PHIP: variants seen among roughly 807,000 people sequenced by gnomAD.
The protein encoded by PHIP is PHIP subunit of CUL4-Ring ligase complex, also known as PH-interacting protein.
PHIP carries 54 observed loss-of-function variants against 236.8 expected under a neutral mutation model. The ratio of observed to expected loss-of-function variants is 0.23; its 90% confidence interval spans 0.18 to 0.29. PHIP has a LOEUF of 0.29. PHIP is among the 10% of genes least tolerant of loss of function. The probability of loss-of-function intolerance (pLI) is 1.00; values close to 1 mark genes in which losing one functional copy is unlikely to be tolerated. For synonymous variants in PHIP, 756 were observed against 718.9 expected (o/e 1.05, Z -0.83); for missense variants, 1,370 against 2,190.8 (o/e 0.63, Z 7.48).
chr6:78,935,638 T>G lies in PHIP; in HGVS notation c.*5055A>C. On this transcript the variant is annotated 3_prime_UTR_variant, in exon 40 of 40. Coordinates refer to ENST00000275034, the MANE Select transcript of PHIP (RefSeq NM_017934.7). ...AGGCATATAAGTTTTTGACCTTCAG[T>G]TGTTTTGGAATTAAATTACATTTCG... 3 of 983,014 alleles carry G rather than the reference T, an allele frequency of 3.1e-6. No homozygotes were observed. Among genetic ancestry groups the G allele is most frequent in the Non-Finnish European group, 3.6e-6 (3 of 827,744 alleles). The allele number at this position is 983,014 out of a possible 1,614,324, so 60.9% of individuals were successfully genotyped here.
chr6:78,943,432 A>G (rs1773612086), intron 39 of PHIP, among the ~76,000 whole-genome samples: 1 of 152,228 alleles, frequency 6.6e-6, no homozygotes, highest in African/African-American at 2.4e-5. Context: ...GGATTCATGA[A>G]TAAAAAGAAG....
intron 27 of PHIP, among the ~76,000 whole-genome samples, chr6:78,967,909 C>A (rs574561241): frequency 6.6e-6 from 1 of 151,714 alleles, no homozygotes; most frequent in Non-Finnish European, 1.5e-5. Flanking sequence ...CTGAGGCGGG[C>A]GGATCACAAG....
intron 2 of PHIP, 47 bp downstream of exon 2, chr6:79,077,808 C>A: frequency 8.9e-7 from 1 of 1,123,958 alleles, no homozygotes; most frequent in Non-Finnish European, 1.1e-6. Flanking sequence ...TCCCCCACGC[C>A]CGCGAGCGGC....
At chr6:79,045,714 T>C (rs56769571) in intron 6 of PHIP, among the ~76,000 whole-genome samples, 16,147 of 152,132 alleles carry the variant, frequency 0.11, 886 homozygotes, top group Middle Eastern at 0.19. Flanking sequence ...TTTATTAAGC[T>C]AGAACATCAA....
chr6:78,993,204 T>C (rs940408182), intron 19 of PHIP, among the ~76,000 whole-genome samples: 1 of 152,198 alleles, frequency 6.6e-6, no homozygotes, highest in Non-Finnish European at 1.5e-5. Context: ...AGAAGAAAAG[T>C]TGGAAGCTAG....
chr6:78,936,805 T>C lies in PHIP; in HGVS notation c.*3888A>G, dbSNP rs1282521575. ...ACTATACATAGTTCGTAATGACTTT[T>C]CATTTGGAGCAAACTTTGCTCAGTA... On this transcript the variant is annotated 3_prime_UTR_variant, in exon 40 of 40. Transcript: ENST00000275034. The C allele has an allele frequency of 1.3e-5, 2 of 151,880 alleles. No individual in the cohort carries two copies. Among genetic ancestry groups the C allele is most frequent in the African/African-American group, 2.4e-5 (1 of 41,432 alleles). The allele number at this position is 151,880 out of a possible 1,614,324, so 9.4% of individuals were successfully genotyped here.
chr6:79,032,149 A>T (rs187991419), intron 7 of PHIP, among the ~76,000 whole-genome samples: 1 of 152,348 alleles, frequency 6.6e-6, no homozygotes, highest in East Asian at 1.9e-4. Flanking sequence ...TTGCTAAAAA[A>T]TGCTAATTAT....
At chr6:79,052,924 T>C (rs984001799) in intron 6 of PHIP, among the ~76,000 whole-genome samples, 1 of 152,160 alleles carries the variant, frequency 6.6e-6, no homozygotes, top group Non-Finnish European at 1.5e-5. Flanking sequence ...GACATAAAGT[T>C]AAAAGCATAA....
chr6:79,060,605 C>T lies in PHIP; in HGVS notation c.341-29G>A, dbSNP rs1172929783. The T allele has an allele frequency of 8.7e-6, 14 of 1,607,770 alleles. No homozygotes were observed. In the Admixed American group the frequency reaches 2.4e-4, roughly 27 times the overall value. ...TTAAACACATGTATTTTTATGCATACAAAGAACACAAAAACAAAAGTGAGA... is the reference window on the plus strand; with the variant it reads ...TTAAACACATGTATTTTTATGCATATAAAGAACACAAAAACAAAAGTGAGA... On this transcript the variant is annotated intron_variant, in intron 5 of 39. Coordinates refer to ENST00000275034, the MANE Select transcript of PHIP (RefSeq NM_017934.7).
At chr6:78,995,106 T>C (rs889569412) in intron 19 of PHIP, among the ~76,000 whole-genome samples, 3 of 152,214 alleles carry the variant, frequency 2.0e-5, no homozygotes, top group Non-Finnish European at 4.4e-5. Flanking sequence ...TTCAAGAATA[T>C]TTCATAAATG....
intron 23 of PHIP, among the ~76,000 whole-genome samples, chr6:78,982,682 A>G (rs9343859): frequency 1.3e-5 from 2 of 151,894 alleles, no homozygotes; most frequent in Non-Finnish European, 2.9e-5. Flanking sequence ...TTTGTAAGTA[A>G]ATACTTTTAC....
At chr6:79,044,692 G>C (rs1262564729) in intron 6 of PHIP, among the ~76,000 whole-genome samples, 1 of 152,088 alleles carries the variant, frequency 6.6e-6, no homozygotes, top group Non-Finnish European at 1.5e-5. Flanking sequence ...CGAATTTTAG[G>C]AAACTAACAG....
intron 16 of PHIP, among the ~76,000 whole-genome samples, chr6:79,003,226 G>A (rs2127732671): frequency 1.3e-5 from 2 of 152,014 alleles, no homozygotes; most frequent in South Asian, 4.2e-4. Flanking sequence ...GCAACATAGT[G>A]AGACATTTCA....
rs191749732 is a variant in PHIP at position 78,994,983 on chromosome 6, A to G, written c.2201+2431T>C. On this transcript the variant is annotated intron_variant, in intron 19 of 39. Transcript: ENST00000275034. ...ATACGCACTTGGAAACAAACAAACA[A>G]AATCATGTGAGCTGCTTTACTGCAC... is the stretch of plus-strand genomic sequence containing the variant. Among the ~76,000 whole-genome samples, 60 of 152,372 alleles carry G rather than the reference A, an allele frequency of 3.9e-4. 2 individuals carry two copies. Among genetic ancestry groups the G allele is most frequent in the Admixed American group, 3.5e-3 (54 of 15,302 alleles).
At chr6:78,947,194 T>G (rs572628710) in intron 36 of PHIP, among the ~76,000 whole-genome samples, 1 of 152,324 alleles carries the variant, frequency 6.6e-6, no homozygotes. Context: ...TTGAACCTGT[T>G]TTCTATCTAG....
Position 79,015,704 on chromosome 6 carries a change from C to G in PHIP, c.1315G>C (p.Val439Leu), listed in dbSNP as rs1454907520. 2 of 1,604,054 alleles carry G rather than the reference C, an allele frequency of 1.2e-6. No individual in the cohort carries two copies. Residue 439 changes from valine (V) to leucine (L), a missense_variant, in exon 14 of 40, where the codon GTT (valine) becomes CTT (leucine). Val to Leu is a conservative substitution (Grantham distance 32). Transcript: ENST00000275034. ...GTCATGTTATTAACTGCAGTTATAA[C>G]TGTATTGTCATGTCGATCCCAAGCT... ...MVAWDRHDNT[V>L]ITAVNNMTLK...
intron 4 of PHIP, among the ~76,000 whole-genome samples, chr6:79,069,876 ATTTACTT>A (rs1209285239): frequency 6.6e-6 from 1 of 152,106 alleles, no homozygotes; most frequent in Non-Finnish European, 1.5e-5. Flanking sequence ...CATATTCAGA[ATTTACTT>A]AACTGTTAAG....
chr6:79,060,895 A>T (rs1773336400), intron 4 of PHIP, 77 bp from the exon 5 acceptor site: 1 of 953,262 alleles, frequency 1.0e-6, no homozygotes, highest in Admixed American at 2.7e-5. Flanking sequence ...ACAATAAAAA[A>T]ATTCATCCAA....
intron 19 of PHIP, among the ~76,000 whole-genome samples, chr6:78,995,523 T>C (rs1482824004): frequency 6.6e-6 from 1 of 152,218 alleles, no homozygotes; most frequent in Admixed American, 6.5e-5. Flanking sequence ...ACATCCTCTC[T>C]AGCATTTGGT....
Sources: gnomAD v4.1 joint callset for allele counts (sites outside exome capture counted in the v4.1 genomes callset) on GRCh38, gnomAD v4.1.1 for gene constraint, MANE v1.5 for transcripts, NCBI Gene and HGNC (gene_info 2026-07-23, HGNC 2026-07-21) for gene names.